LRRN3: variants seen among roughly 807,000 people sequenced by gnomAD.
The protein encoded by LRRN3 is leucine rich repeat neuronal 3.
In LRRN3, 15 loss-of-function variants were observed where a neutral mutation model predicts 40.1. The ratio of observed to expected loss-of-function variants is 0.37; its 90% CI spans 0.25 to 0.58. The LOEUF (loss-of-function observed/expected upper bound fraction) is 0.58. Ranked by LOEUF, LRRN3 falls within the 20% of genes least tolerant of loss-of-function variation. The pLI, the probability that LRRN3 is intolerant of heterozygous loss-of-function variation, is 0.72. For synonymous variants in LRRN3, 308 were observed against 297.2 expected (o/e 1.04, Z -0.37); for missense variants, 746 against 837.7 (o/e 0.89, Z 1.35).
In LRRN3 at chr7:111,123,534, T is replaced by C; in HGVS notation, c.762T>C (p.Val254=). 6.2e-7 allele frequency: 1 copy of C among 1,613,960 alleles called. No homozygotes were observed. The highest frequency in any genetic ancestry group is 8.5e-7 in the Non-Finnish European group (1 of 1,179,956). The change falls in exon 3 of 3, where the codon GTT becomes GTC. Residue 254 remains valine (V), a synonymous_variant. Coordinates refer to ENST00000308478, the MANE Select transcript of LRRN3 (RefSeq NM_001099658.2). The surrounding 1 kb of genome is among the most constrained non-coding windows in gnomAD (Gnocchi z 6.4). ...ACAGGCTTATTAAAGTACCCCATGT[T>C]GCTCTTCAAAAAGTTGTAAATCTCA... is the stretch of plus-strand genomic sequence containing the variant. The part of the protein sequence containing the change: ...YDNRLIKVPH[V]ALQKVVNLKF...
intron 2 of LRRN3, among the ~76,000 whole-genome samples, chr7:111,120,080 G>A (rs145918599): frequency 2.2e-4 from 33 of 152,194 alleles, no homozygotes; most frequent in African/African-American, 7.7e-4. Context: ...AATGGCAGAC[G>A]GTGAGGTAAA....
chr7:111,120,957 C>G (rs1225930590), intron 2 of LRRN3, among the ~76,000 whole-genome samples: 1 of 147,432 alleles, frequency 6.8e-6, no homozygotes, highest in Admixed American at 6.7e-5. Context: ...AAGCCATGAA[C>G]AGTTGAAAGA....
chr7:111,114,852 A>G (rs2129585052), intron 2 of LRRN3, among the ~76,000 whole-genome samples: 1 of 152,258 alleles, frequency 6.6e-6, no homozygotes, highest in Non-Finnish European at 1.5e-5. Flanking sequence ...GGTGATTTTT[A>G]TTTTAGAAAT....
chr7:111,105,509 C>T (rs960974948), intron 2 of LRRN3, among the ~76,000 whole-genome samples: 1 of 151,866 alleles, frequency 6.6e-6, no homozygotes, highest in Admixed American at 6.6e-5. Flanking sequence ...ATCTGGTTTG[C>T]TCCCTTATTC....
At position 111,123,538 on chromosome 7, in the gene LRRN3, C is replaced by T. The variant is rs1360389210; in HGVS notation, c.766C>T (p.Leu256Phe). Residue 256 changes from leucine to phenylalanine, a missense_variant, in exon 3 of 3, where the codon CTT (leucine) becomes TTT (phenylalanine). Leu to Phe is a conservative substitution (Grantham distance 22, BLOSUM62 0). Coordinates refer to ENST00000308478, the MANE Select transcript of LRRN3 (RefSeq NM_001099658.2). This position sits in a 1 kb window ranked among gnomAD's most constrained non-coding sequence, Gnocchi z 6.4. Reference sequence around the variant, plus strand: ...GCTTATTAAAGTACCCCATGTTGCTCTTCAAAAAGTTGTAAATCTCAAATT... The same window carrying T: ...GCTTATTAAAGTACCCCATGTTGCTTTTCAAAAAGTTGTAAATCTCAAATT... ...NRLIKVPHVA[L>F]QKVVNLKFLD... 1 of 1,613,832 alleles carries T rather than the reference C, an allele frequency of 6.2e-7. No individual in the cohort carries two copies. The highest frequency in any genetic ancestry group is 1.7e-5 in the Admixed American group (1 of 59,934).
At chr7:111,118,499 A>T (rs1241580035) in intron 2 of LRRN3, among the ~76,000 whole-genome samples, 1 of 152,070 alleles carries the variant, frequency 6.6e-6, no homozygotes, top group Non-Finnish European at 1.5e-5. Context: ...CTAGGTTTTA[A>T]TCCCACCCCA....
intron 2 of LRRN3, among the ~76,000 whole-genome samples, chr7:111,107,950 A>T (rs1798735832): frequency 6.6e-6 from 1 of 152,162 alleles, no homozygotes; most frequent in African/African-American, 2.4e-5. Context: ...CACCAAAAAT[A>T]TTTCCCAGTC....
intron 2 of LRRN3, among the ~76,000 whole-genome samples, chr7:111,118,121 T>C (rs1305374805): frequency 6.6e-6 from 1 of 152,132 alleles, no homozygotes; most frequent in Non-Finnish European, 1.5e-5. Flanking sequence ...ATTGCACACA[T>C]TTTTATTGTA....
At position 111,125,306 on chromosome 7, in the gene LRRN3, A is replaced by AT. The variant is rs1463085048; in HGVS notation, c.*409dup. On this transcript the variant is annotated 3_prime_UTR_variant, in exon 3 of 3. Coordinates refer to ENST00000308478, the MANE Select transcript of LRRN3 (RefSeq NM_001099658.2). Reference sequence around the variant, plus strand: ...TTTTGCAGTGACCAGATAAACTTGAATTGACACGTGGTGTAATAAAATGGA... The same window carrying AT: ...TTTTGCAGTGACCAGATAAACTTGAATTTGACACGTGGTGTAATAAAATGGA... 5.8e-6 allele frequency: 1 copy of AT among 171,988 alleles called. No homozygotes were observed. The highest frequency in any genetic ancestry group is 6.4e-5 in the Admixed American group (1 of 15,706). The allele number at this position is 171,988 out of a possible 1,614,324, so 10.7% of individuals were successfully genotyped here. A position where few individuals can be genotyped will look rare whatever the true frequency, so the allele number is the denominator to read the frequency against.
At chr7:111,119,643 G>A (rs1457151290) in intron 2 of LRRN3, among the ~76,000 whole-genome samples, 3 of 152,196 alleles carry the variant, frequency 2.0e-5, no homozygotes, top group Non-Finnish European at 4.4e-5. Context: ...AAATTAAGCA[G>A]ATAGAATTAC....
rs150997425 is a variant in LRRN3 at position 111,095,905 on chromosome 7, C to T, written c.-440-3976C>T. Among the ~76,000 whole-genome samples the T allele has an allele frequency of 4.4e-4, 67 of 152,016 alleles. 1 individual carries two copies. The Middle Eastern group carries it at 0.01, about 23-fold the overall frequency. ...TCCCTCTCCCTCTCTCCCTCCCCTA[C>T]CCCATCCCAACTTACTTTTTGATTT... On this transcript the variant is annotated intron_variant, in intron 1 of 2. Coordinates refer to ENST00000308478, the MANE Select transcript of LRRN3 (RefSeq NM_001099658.2).
At chr7:111,098,477 T>C (rs1369501264) in intron 1 of LRRN3, among the ~76,000 whole-genome samples, 2 of 151,802 alleles carry the variant, frequency 1.3e-5, no homozygotes, top group Non-Finnish European at 1.5e-5. Flanking sequence ...ATCAAAGTAA[T>C]GATGAATTAA....
Position 111,124,040 on chromosome 7 carries a change from T to A in LRRN3, c.1268T>A (p.Ile423Lys). The A allele has an allele frequency of 1.9e-6, 3 of 1,614,116 alleles. No homozygotes were observed. The highest frequency in any genetic ancestry group is 2.5e-6 in the Non-Finnish European group (3 of 1,179,986). ...RDMMEICLPL[I>K]APESFPSNLN... Reference sequence around the variant, plus strand: ...ATGATGGAAATTTGTCTCCCTCTTATAGCTCCTGAGAGCTTTCCTTCTAAT... The same window carrying A: ...ATGATGGAAATTTGTCTCCCTCTTAAAGCTCCTGAGAGCTTTCCTTCTAAT... The change falls in exon 3 of 3, where the codon ATA becomes AAA. Residue 423 changes from isoleucine (I) to lysine (K), a missense_variant. Transcript: ENST00000308478.
intron 1 of LRRN3, among the ~76,000 whole-genome samples, chr7:111,094,868 G>A (rs1381134329): frequency 3.3e-5 from 5 of 151,990 alleles, no homozygotes; most frequent in African/African-American, 9.7e-5. Flanking sequence ...GGGATAAATC[G>A]GAACGTTTTT....
rs1800782781 is a variant in LRRN3, at chr7:111,122,596, G to A, written c.-177G>A. The A allele has an allele frequency of 1.0e-5, 6 of 585,458 alleles. No homozygotes were observed. In the South Asian group the frequency reaches 1.4e-4, roughly 14 times the overall value. The allele number at this position is 585,458 out of a possible 1,614,324, so 36.3% of individuals were successfully genotyped here. On this transcript the variant is annotated 5_prime_UTR_variant, in exon 3 of 3. Transcript: ENST00000308478. ...CTTCTCCAATATGCATGACATTTTT[G>A]GACAATGCAATTGTGGCACTGGCAC...
chr7:111,100,150 G>A lies in LRRN3; in HGVS notation c.-359+188G>A, dbSNP rs536376544. On this transcript the variant is annotated intron_variant, in intron 2 of 2. Transcript: ENST00000308478. ...TATTTCTTTTTTTTAAATTTCAATA[G>A]CTTTTTGGGAAACAGATGGTGTCTG... Among the ~76,000 whole-genome samples the A allele has an allele frequency of 3.3e-5, 5 of 151,612 alleles. No individual in the cohort carries two copies. The East Asian group carries it at 9.7e-4, about 29-fold the overall frequency.
intron 2 of LRRN3, among the ~76,000 whole-genome samples, chr7:111,115,102 T>G (rs540352530): frequency 6.6e-6 from 1 of 152,256 alleles, no homozygotes; most frequent in South Asian, 2.1e-4. Flanking sequence ...CAGAGAGACC[T>G]ACATTTGGGA....
In LRRN3 at chr7:111,125,022, G is replaced by A; in HGVS notation, c.*123G>A. 4 of 747,860 alleles carry A rather than the reference G, an allele frequency of 5.3e-6. No individual in the cohort carries two copies. Among genetic ancestry groups the A allele is most frequent in the Non-Finnish European group, 8.4e-6 (4 of 473,398 alleles). 46.3% of individuals were successfully genotyped at this position (747,860 alleles called of 1,614,324 possible). On this transcript the variant is annotated 3_prime_UTR_variant, in exon 3 of 3. Transcript: ENST00000308478. ...AAAAGTAAAAAAAGATTACTTTCGA[G>A]AGAGAAGTTTAAGCTTCACCAATGC... is the stretch of plus-strand genomic sequence containing the variant.
At chr7:111,095,412 A>G (rs1797298818) in intron 1 of LRRN3, among the ~76,000 whole-genome samples, 2 of 152,082 alleles carry the variant, frequency 1.3e-5, no homozygotes, top group East Asian at 1.9e-4. Context: ...AAAACCTCCT[A>G]TGTGCAAAAA....
Sources: gnomAD v4.1 joint callset for allele counts (sites outside exome capture counted in the v4.1 genomes callset) on GRCh38, gnomAD v4.1.1 for gene constraint, Gnocchi (gnomAD v3.1) non-coding constraint, MANE v1.5 for transcripts, NCBI Gene and HGNC (gene_info 2026-07-23, HGNC 2026-07-21) for gene names.